The following KSR2 variants were observed in gnomAD, a reference collection of about 807,000 sequenced individuals.
KSR2 encodes kinase suppressor of ras 2.
KSR2 carries 25 observed loss-of-function variants against 107.8 expected under a neutral mutation model. That is an observed-to-expected ratio of 0.23 (90% confidence interval 0.17 to 0.32). The LOEUF (loss-of-function observed/expected upper bound fraction) is 0.32. KSR2 is among the 10% of genes least tolerant of loss of function. KSR2 has a pLI of 1.00. For synonymous variants in KSR2, 480 were observed against 507.0 expected (o/e 0.95, Z 0.71); for missense variants, 887 against 1,268.9 (o/e 0.70, Z 4.57).
At position 117,648,382 on chromosome 12, in the gene KSR2, T is replaced by C. The variant is rs116012837; in HGVS notation, c.1171+19092A>G. ...TGTCCGACACCAACTGCATCCTTCATCTCTGATGACCCCTAACGTCCTCAA... is the reference window on the plus strand; with the variant it reads ...TGTCCGACACCAACTGCATCCTTCACCTCTGATGACCCCTAACGTCCTCAA... On this transcript the variant is annotated intron_variant, in intron 5 of 19. Coordinates refer to ENST00000339824, the MANE Select transcript of KSR2 (RefSeq NM_173598.6). Among the ~76,000 whole-genome samples the C allele has an allele frequency of 1.5e-3, 232 of 152,324 alleles. 1 individual carries two copies. The highest frequency in any genetic ancestry group is 5.4e-3 in the African/African-American group (223 of 41,574).
At chr12:117,653,356 G>A (rs1431425427) in intron 5 of KSR2, among the ~76,000 whole-genome samples, 1 of 152,238 alleles carries the variant, frequency 6.6e-6, no homozygotes, top group African/African-American at 2.4e-5. Flanking sequence ...CCCACCAGAG[G>A]CAATTTACCT....
At chr12:117,848,568 A>G (rs1327277193) in intron 3 of KSR2, among the ~76,000 whole-genome samples, 2 of 152,260 alleles carry the variant, frequency 1.3e-5, no homozygotes, top group Admixed American at 1.3e-4. Flanking sequence ...GAGTAGTCTC[A>G]AAAGAAACAG....
intron 1 of KSR2, among the ~76,000 whole-genome samples, chr12:117,915,751 A>G (rs1233272051): frequency 6.6e-6 from 1 of 152,198 alleles, no homozygotes; most frequent in Non-Finnish European, 1.5e-5. Context: ...TCCACCTTGA[A>G]GCCTTCTCCA....
rs1277580488 is a variant in KSR2 at position 117,465,092 on chromosome 12, C to T, written c.*2107G>A. ...TGACAAGGACTGGAGCCTGTGGACC[C>T]AAGAAGTCCTGGTGTGATGGAAGAG... On this transcript the variant is annotated 3_prime_UTR_variant, in exon 20 of 20. Coordinates refer to ENST00000339824, the MANE Select transcript of KSR2 (RefSeq NM_173598.6). 1.3e-5 allele frequency: 2 copies of T among 152,222 alleles called. No homozygotes were observed. Among genetic ancestry groups the T allele is most frequent in the Non-Finnish European group, 2.9e-5 (2 of 68,100 alleles). The allele number at this position is 152,222 out of a possible 1,614,324, so 9.4% of individuals were successfully genotyped here.
intron 3 of KSR2, among the ~76,000 whole-genome samples, chr12:117,790,780 C>T (rs1478520686): frequency 6.6e-6 from 1 of 152,110 alleles, no homozygotes; most frequent in East Asian, 1.9e-4. Flanking sequence ...CTCCTTCCTC[C>T]CACCCCACAG....
chr12:117,714,487 GAC>G (rs965244133), intron 4 of KSR2, among the ~76,000 whole-genome samples: 5 of 152,160 alleles, frequency 3.3e-5, no homozygotes, highest in African/African-American at 1.2e-4. Context: ...AGAAAGAAAT[GAC>G]ACTGGCAGAG....
At chr12:117,491,755 G>A (rs1044037007) in intron 14 of KSR2, among the ~76,000 whole-genome samples, 2 of 152,142 alleles carry the variant, frequency 1.3e-5, no homozygotes, top group Non-Finnish European at 2.9e-5. Context: ...ACCCAATCGT[G>A]GAATTGCAGG....
At chr12:117,857,755 C>T (rs1224718505) in intron 2 of KSR2, among the ~76,000 whole-genome samples, 1 of 152,210 alleles carries the variant, frequency 6.6e-6, no homozygotes. Flanking sequence ...AGAGGTTAGA[C>T]CACTTGCCTA....
Position 117,880,100 on chromosome 12 carries a change from T to C in KSR2, c.181-19669A>G, listed in dbSNP as rs188981500. Among the ~76,000 whole-genome samples, 1,291 of 152,236 alleles carry C rather than the reference T, an allele frequency of 8.5e-3. 20 individuals carry two copies. Among genetic ancestry groups the C allele is most frequent in the African/African-American group, 0.028 (1,172 of 41,548 alleles). ...GGCGGAGGTTGCGGTGAGCTGAGAT[T>C]GTGCCATTGCACTCCAGCCTGGGCA... On this transcript the variant is annotated intron_variant, in intron 1 of 19. Coordinates refer to ENST00000339824, the MANE Select transcript of KSR2 (RefSeq NM_173598.6).
At chr12:117,548,814 A>G (rs1877073557) in intron 9 of KSR2, among the ~76,000 whole-genome samples, 1 of 152,232 alleles carries the variant, frequency 6.6e-6, no homozygotes, top group South Asian at 2.1e-4. Flanking sequence ...GACCCTCTCC[A>G]GAGAGTCTCT....
chr12:117,723,665 G>A (rs1183451960), intron 4 of KSR2, among the ~76,000 whole-genome samples: 2 of 151,946 alleles, frequency 1.3e-5, no homozygotes, highest in African/African-American at 2.4e-5. Flanking sequence ...AATAAGATCT[G>A]TACCTAAGTC....
At chr12:117,488,186 T>G (rs1178786886) in intron 14 of KSR2, among the ~76,000 whole-genome samples, 1 of 152,344 alleles carries the variant, frequency 6.6e-6, no homozygotes, top group East Asian at 1.9e-4. Context: ...TCCAGCCATG[T>G]GGAACTGTGA....
At chr12:117,958,992 C>T (rs1010092082) in intron 1 of KSR2, among the ~76,000 whole-genome samples, 5 of 151,924 alleles carry the variant, frequency 3.3e-5, no homozygotes, top group South Asian at 4.2e-4. Flanking sequence ...GAGAATAATC[C>T]GAATGTTCTC....
chr12:117,558,646 AATGG>A, intron 7 of KSR2, 73 bp from the exon 8 acceptor site: 1 of 1,090,976 alleles, frequency 9.2e-7, no homozygotes, highest in Non-Finnish European at 1.4e-6. Context: ...TGGGTGGATG[AATGG>A]ATGGATGGGT....
At chr12:117,766,440 G>A (rs2136892893) in intron 3 of KSR2, among the ~76,000 whole-genome samples, 1 of 152,240 alleles carries the variant, frequency 6.6e-6, no homozygotes, top group Non-Finnish European at 1.5e-5. Flanking sequence ...TTTTTGAGGG[G>A]GTGATGAAAT....
chr12:117,711,174 G>A (rs1393499253), intron 4 of KSR2, among the ~76,000 whole-genome samples: 2 of 152,248 alleles, frequency 1.3e-5, no homozygotes, highest in East Asian at 3.9e-4. Context: ...AATTTCAAGA[G>A]GGCAAAGACA....
intron 3 of KSR2, among the ~76,000 whole-genome samples, chr12:117,790,009 C>T (rs1185227839): frequency 1.3e-5 from 2 of 152,160 alleles, no homozygotes; most frequent in Non-Finnish European, 2.9e-5. Flanking sequence ...GACCAATGCC[C>T]TGGGCTGACG....
chr12:117,688,696 C>T (rs1366728831), intron 4 of KSR2, among the ~76,000 whole-genome samples: 3 of 152,144 alleles, frequency 2.0e-5, no homozygotes, highest in Admixed American at 1.3e-4. Context: ...GATCAGGTTT[C>T]GAGTGTGCCA....
intron 3 of KSR2, among the ~76,000 whole-genome samples, chr12:117,782,456 G>A (rs1039883628): frequency 1.3e-5 from 2 of 152,042 alleles, no homozygotes; most frequent in African/African-American, 4.8e-5. Flanking sequence ...GTAGACACAG[G>A]GTTTTGCCAT....
Sources: allele counts gnomAD v4.1 joint callset (sites outside exome capture counted in the v4.1 genomes callset), GRCh38; gene constraint gnomAD v4.1.1; transcripts MANE v1.5; gene names NCBI Gene and HGNC (gene_info 2026-07-23, HGNC 2026-07-21).